Variants in PDE10A observed in about 807,000 individuals in gnomAD.
PDE10A encodes cAMP and cAMP-inhibited cGMP 3',5'-cyclic phosphodiesterase 10A.
Under a neutral mutation model 97.7 loss-of-function variants are expected in PDE10A, and 39 were observed. The observed-to-expected ratio is 0.40, with a 90% confidence interval of 0.31 to 0.52. The LOEUF is 0.52. Ranked by LOEUF, PDE10A falls within the 20% of genes least tolerant of loss-of-function variation. The pLI is 0.56. For synonymous variants in PDE10A, 371 were observed against 376.8 expected (o/e 0.98, Z 0.18); for missense variants, 731 against 1,047.8 (o/e 0.70, Z 4.17).
intron 1 of PDE10A, among the ~76,000 whole-genome samples, chr6:165,733,542 C>A (rs1192310661): frequency 2.6e-5 from 4 of 152,124 alleles, no homozygotes; most frequent in African/African-American, 9.7e-5. Context: ...GCTTGGAGTT[C>A]TCTGAATAAA....
intron 1 of PDE10A, among the ~76,000 whole-genome samples, chr6:165,966,399 C>A (rs1583364687): frequency 1.3e-5 from 2 of 152,312 alleles, no homozygotes; most frequent in South Asian, 4.2e-4. Context: ...GTCTCCTGAC[C>A]ATGTGTCTCG....
At chr6:165,404,745 T>A (rs572855299) in intron 13 of PDE10A, among the ~76,000 whole-genome samples, 8 of 152,182 alleles carry the variant, frequency 5.3e-5, no homozygotes, top group African/African-American at 1.9e-4. Context: ...GAAAAACACT[T>A]ACTGAGAGAT....
chr6:165,374,196 A>G lies in PDE10A; in HGVS notation c.2783+4998T>C, dbSNP rs560672475. Among the ~76,000 whole-genome samples, 167 of 151,668 alleles carry G rather than the reference A, an allele frequency of 1.1e-3. 1 individual carries two copies. Among genetic ancestry groups the G allele is most frequent in the African/African-American group, 3.6e-3 (150 of 41,362 alleles). ...GTATACATATGTAACTAACCTGCAC[A>G]TTGTGCACATGTACCCTAAAACTTG... is the stretch of plus-strand genomic sequence containing the variant. On this transcript the variant is annotated intron_variant, in intron 18 of 21. Transcript: ENST00000539869.
At chr6:165,559,616 T>C (rs1310685477) in intron 1 of PDE10A, among the ~76,000 whole-genome samples, 1 of 152,212 alleles carries the variant, frequency 6.6e-6, no homozygotes, top group Non-Finnish European at 1.5e-5. Flanking sequence ...TATAGTATCT[T>C]AGAGGATAAC....
chr6:165,599,387 A>G (rs531674937), intron 1 of PDE10A, among the ~76,000 whole-genome samples: 13 of 152,178 alleles, frequency 8.5e-5, no homozygotes, highest in Admixed American at 2.0e-4. Flanking sequence ...GAGTGCCCGT[A>G]TAGTTTTCTC....
At chr6:165,923,633 T>C (rs2128488890) in intron 1 of PDE10A, among the ~76,000 whole-genome samples, 1 of 152,342 alleles carries the variant, frequency 6.6e-6, no homozygotes, top group Admixed American at 6.5e-5. Context: ...CTGGCAGCCT[T>C]CTTAACAAGA....
chr6:165,363,043 CA>C (rs1399693595), intron 18 of PDE10A, among the ~76,000 whole-genome samples: 1 of 152,044 alleles, frequency 6.6e-6, no homozygotes, highest in East Asian at 1.9e-4. Context: ...AAACACTCAA[CA>C]AATCAGAATT....
At chr6:165,871,776 C>T (rs982866469) in intron 1 of PDE10A, among the ~76,000 whole-genome samples, 1 of 152,134 alleles carries the variant, frequency 6.6e-6, no homozygotes, top group African/African-American at 2.4e-5. Context: ...TGAGGGTGAG[C>T]TGGTGCAAAA....
At chr6:165,464,726 T>C (rs1778534155) in intron 3 of PDE10A, among the ~76,000 whole-genome samples, 1 of 152,174 alleles carries the variant, frequency 6.6e-6, no homozygotes, top group Non-Finnish European at 1.5e-5. Context: ...TTTGCCAGCT[T>C]TTGGAATTAT....
At chr6:165,916,252 T>C (rs1054651436) in intron 1 of PDE10A, among the ~76,000 whole-genome samples, 16 of 152,230 alleles carry the variant, frequency 1.1e-4, no homozygotes, top group Non-Finnish European at 1.8e-4. Flanking sequence ...TACCAAAAGG[T>C]AAAATGTCTG....
chr6:165,367,890 G>T (rs915856060), intron 18 of PDE10A, among the ~76,000 whole-genome samples: 2 of 151,986 alleles, frequency 1.3e-5, no homozygotes, highest in Admixed American at 1.3e-4. Flanking sequence ...AGGTTATTTG[G>T]GCTCAAATGA....
chr6:165,633,956 C>T (rs775086523), intron 1 of PDE10A, among the ~76,000 whole-genome samples: 1 of 152,110 alleles, frequency 6.6e-6, no homozygotes, highest in Non-Finnish European at 1.5e-5. Context: ...TGTAAACAGA[C>T]TCATAGGGTC....
Position 165,428,698 on chromosome 6 carries a change from T to C in PDE10A, c.1613A>G (p.Asp538Gly). ...TAGAGAATCTATTGCAACTATGTTA[T>C]CAAAATATGTTCTGAAAAAAAGAAA... is the stretch of plus-strand genomic sequence containing the variant. ...FLLDVSKTYF[D>G]NIVAIDSLLE... Residue 538 changes from aspartate to glycine, a missense_variant, in exon 10 of 22, where the codon GAT becomes GGT. Asp to Gly is a moderately conservative substitution (Grantham distance 94). Coordinates refer to ENST00000539869, the MANE Select transcript of PDE10A (RefSeq NM_001385079.1). The C allele has an allele frequency of 7.7e-7, 1 of 1,290,542 alleles. No individual in the cohort carries two copies. Among genetic ancestry groups the C allele is most frequent in the Non-Finnish European group, 1.1e-6 (1 of 899,910 alleles). 79.9% of individuals were successfully genotyped at this position (1,290,542 alleles called of 1,614,324 possible).
chr6:165,356,899 C>G (rs1380220246), intron 18 of PDE10A, among the ~76,000 whole-genome samples: 1 of 151,900 alleles, frequency 6.6e-6, no homozygotes, highest in Non-Finnish European at 1.5e-5. Flanking sequence ...AATCTTTATG[C>G]CTTTCATTTC....
chr6:165,771,732 G>C (rs928080504), intron 1 of PDE10A, among the ~76,000 whole-genome samples: 2 of 151,784 alleles, frequency 1.3e-5, no homozygotes, highest in Non-Finnish European at 2.9e-5. Flanking sequence ...AGTCATTCAG[G>C]CTTTAGGTTG....
intron 2 of PDE10A, among the ~76,000 whole-genome samples, chr6:165,488,944 G>C (rs1219303184): frequency 6.6e-6 from 1 of 152,144 alleles, no homozygotes; most frequent in African/African-American, 2.4e-5. Flanking sequence ...TCTGAGATCA[G>C]ACATGCCCAA....
chr6:165,432,344 G>C (rs1051663773), intron 7 of PDE10A, among the ~76,000 whole-genome samples: 2 of 152,138 alleles, frequency 1.3e-5, no homozygotes. Flanking sequence ...GCTGTGAGGG[G>C]GATAAGTGGA....
chr6:165,814,481 C>G (rs1779358357), intron 1 of PDE10A, among the ~76,000 whole-genome samples: 1 of 151,920 alleles, frequency 6.6e-6, no homozygotes, highest in African/African-American at 2.4e-5. Context: ...TTTCTCCACT[C>G]AGAGAAAGAC....
chr6:165,830,660 ATGTC>A (rs907244776), intron 1 of PDE10A, among the ~76,000 whole-genome samples: 3 of 152,126 alleles, frequency 2.0e-5, no homozygotes, highest in African/African-American at 4.8e-5. Context: ...GTTTGTGTTT[ATGTC>A]TTGTCCTTCC....
Sources: gnomAD v4.1 joint callset for allele counts (sites outside exome capture counted in the v4.1 genomes callset) on GRCh38, gnomAD v4.1.1 for gene constraint, MANE v1.5 for transcripts, NCBI Gene and HGNC (gene_info 2026-07-23, HGNC 2026-07-21) for gene names.